The following EPB41L2 variants were observed in gnomAD, a reference collection of about 807,000 sequenced individuals.
EPB41L2 encodes band 4.1-like protein 2.
Under a neutral mutation model 113.0 loss-of-function variants are expected in EPB41L2, and 43 were observed. The observed-to-expected ratio is 0.38, with a 90% CI of 0.30 to 0.49. EPB41L2 has a LOEUF of 0.49. Among genes scored for constraint, EPB41L2 ranks in the 20% least tolerant of loss-of-function variants. The pLI is 0.95. For synonymous variants in EPB41L2, 442 were observed against 436.7 expected, an observed-to-expected ratio of 1.01 and a Z score of -0.15; for missense variants, 1,147 against 1,223.4, an observed-to-expected ratio of 0.94 and a Z score of 0.93.
chr6:131,040,638 G>C (rs1356209379), intron 1 of EPB41L2, among the ~76,000 whole-genome samples: 1 of 152,116 alleles, frequency 6.6e-6, no homozygotes, highest in Non-Finnish European at 1.5e-5. Context: ...ACTCCTCCCA[G>C]ATTATATGCC....
chr6:131,027,667 T>C (rs780840413), intron 1 of EPB41L2, among the ~76,000 whole-genome samples: 3 of 152,214 alleles, frequency 2.0e-5, no homozygotes, highest in Non-Finnish European at 4.4e-5. Flanking sequence ...GAAACTTTTA[T>C]AACACAGAGA....
intron 19 of EPB41L2, among the ~76,000 whole-genome samples, chr6:130,850,022 T>G (rs925950582): frequency 6.6e-6 from 1 of 151,970 alleles, no homozygotes; most frequent in Non-Finnish European, 1.5e-5. Context: ...TCACCTGAGG[T>G]CAGTCAGGAG....
At chr6:130,848,199 TCACACACACACACACACACACA>T (rs66469665) in intron 19 of EPB41L2, among the ~76,000 whole-genome samples, 1 of 113,408 alleles carries the variant, frequency 8.8e-6, no homozygotes, top group Non-Finnish European at 1.7e-5. Context: ...TCTCTCTCTC[TCACACACACACACACACACACA>T]CACACACACA....
intron 1 of EPB41L2, among the ~76,000 whole-genome samples, chr6:130,969,236 C>T (rs556530589): frequency 6.6e-6 from 1 of 151,974 alleles, no homozygotes; most frequent in South Asian, 2.1e-4. Context: ...AAATGGAAAA[C>T]TTAAACTTCC....
chr6:130,950,399 T>C (rs1310241218), intron 3 of EPB41L2, among the ~76,000 whole-genome samples: 1 of 151,910 alleles, frequency 6.6e-6, no homozygotes, highest in Non-Finnish European at 1.5e-5. Context: ...AAAACAAGAA[T>C]ATTATGAAAA....
intron 3 of EPB41L2, among the ~76,000 whole-genome samples, chr6:130,934,765 G>A (rs917796575): frequency 6.6e-6 from 1 of 150,680 alleles, no homozygotes; most frequent in Non-Finnish European, 1.5e-5. Context: ...ACAGGTGTGA[G>A]CCACAGCACC....
chr6:131,059,868 C>A (rs1482805537), intron 1 of EPB41L2, among the ~76,000 whole-genome samples: 1 of 152,046 alleles, frequency 6.6e-6, no homozygotes, highest in Non-Finnish European at 1.5e-5. Flanking sequence ...AATTCTGAAT[C>A]TGAAAAAAAC....
At chr6:130,942,258 C>T (rs1008197920) in intron 3 of EPB41L2, among the ~76,000 whole-genome samples, 7 of 152,180 alleles carry the variant, frequency 4.6e-5, no homozygotes, top group African/African-American at 1.7e-4. Flanking sequence ...AAACAACATT[C>T]ACAGGTGGAG....
intron 4 of EPB41L2, among the ~76,000 whole-genome samples, chr6:130,916,062 T>C (rs902774937): frequency 1.3e-5 from 2 of 152,250 alleles, no homozygotes; most frequent in African/African-American, 4.8e-5. Context: ...TTTGTAGCCC[T>C]GTGTACTTTT....
intron 1 of EPB41L2, among the ~76,000 whole-genome samples, chr6:131,023,499 A>G (rs1424251740): frequency 6.6e-6 from 1 of 152,068 alleles, no homozygotes; most frequent in African/African-American, 2.4e-5. Flanking sequence ...CCTGACCAAC[A>G]TGGGGAAACC....
intron 1 of EPB41L2, among the ~76,000 whole-genome samples, chr6:130,995,119 G>A (rs867771195): frequency 6.7e-6 from 1 of 148,922 alleles, no homozygotes; most frequent in African/African-American, 2.5e-5. Flanking sequence ...GGTGGATCAC[G>A]AGGTCAGGAG....
At chr6:130,848,922 A>G (rs1667542272) in intron 19 of EPB41L2, among the ~76,000 whole-genome samples, 1 of 152,218 alleles carries the variant, frequency 6.6e-6, no homozygotes, top group Non-Finnish European at 1.5e-5. Context: ...CTATTTCCTT[A>G]TAAAGAAGGT....
At chr6:131,050,949 A>G (rs564148459) in intron 1 of EPB41L2, among the ~76,000 whole-genome samples, 1 of 152,348 alleles carries the variant, frequency 6.6e-6, no homozygotes, top group South Asian at 2.1e-4. Flanking sequence ...AGACAGACAA[A>G]CCAAGATACT....
chr6:131,003,274 A>G (rs1343647041), intron 1 of EPB41L2, among the ~76,000 whole-genome samples: 1 of 152,264 alleles, frequency 6.6e-6, no homozygotes, highest in Non-Finnish European at 1.5e-5. Context: ...TCCATAAGCC[A>G]TGAATGTAGC....
chr6:130,898,843 G>A (rs1053595218), intron 8 of EPB41L2, among the ~76,000 whole-genome samples: 2 of 151,754 alleles, frequency 1.3e-5, no homozygotes, highest in African/African-American at 4.8e-5. Flanking sequence ...TTATTTTTTC[G>A]AGCATTATAT....
intron 2 of EPB41L2, 99 bp downstream of exon 2, chr6:130,955,895 G>A (rs927686187): frequency 6.6e-7 from 1 of 1,515,882 alleles, no homozygotes; most frequent in Admixed American, 2.1e-5. Context: ...CAGTATCTCA[G>A]TACAAGAAAT....
intron 1 of EPB41L2, among the ~76,000 whole-genome samples, chr6:131,006,493 C>A (rs1785559850): frequency 6.6e-6 from 1 of 151,678 alleles, no homozygotes; most frequent in Admixed American, 6.6e-5. Context: ...AAAACCCCGT[C>A]TCTACTAAAA....
At chr6:131,051,258 A>C (rs1796466503) in intron 1 of EPB41L2, among the ~76,000 whole-genome samples, 1 of 152,116 alleles carries the variant, frequency 6.6e-6, no homozygotes, top group African/African-American at 2.4e-5. Flanking sequence ...TGGGGAAACA[A>C]GTATAATTTT....
chr6:131,046,634 G>A (rs537541316), intron 1 of EPB41L2, among the ~76,000 whole-genome samples: 47 of 152,228 alleles, frequency 3.1e-4, no homozygotes, highest in Admixed American at 2.2e-3. Context: ...TACTGTGAAC[G>A]ACAGGCTTCA....
Sources: allele counts gnomAD v4.1 joint callset (sites outside exome capture counted in the v4.1 genomes callset), GRCh38; gene constraint gnomAD v4.1.1; transcripts MANE v1.5; gene names NCBI Gene and HGNC (gene_info 2026-07-23, HGNC 2026-07-21).